Variants in TAF2 observed in about 807,000 individuals in gnomAD.
TAF2 encodes the protein transcription initiation factor TFIID subunit 2.
A neutral mutation model predicts 138.5 loss-of-function variants in TAF2; 61 were observed. The observed-to-expected ratio is 0.44, with a 90% confidence interval of 0.36 to 0.54. The LOEUF is 0.54. TAF2 is among the 20% of genes least tolerant of loss of function. The pLI, the probability that TAF2 is intolerant of heterozygous loss-of-function variation, is 0.00. For synonymous variants in TAF2, 475 were observed against 469.9 expected, an observed-to-expected ratio of 1.01 and a Z score of -0.14; for missense variants, 1,090 against 1,427.9, an observed-to-expected ratio of 0.76 and a Z score of 3.81.
chr8:119,789,127 A>G (rs768807085), intron 12 of TAF2, among the ~76,000 whole-genome samples: 2 of 152,222 alleles, frequency 1.3e-5, no homozygotes, highest in Admixed American at 1.3e-4. Flanking sequence ...TTGTGTTTTG[A>G]AAGAAGCAGA....
intron 21 of TAF2, among the ~76,000 whole-genome samples, chr8:119,757,020 A>G (rs1480647236): frequency 6.6e-6 from 1 of 152,242 alleles, no homozygotes; most frequent in African/African-American, 2.4e-5. Flanking sequence ...TATGGAGGTC[A>G]GCAAAACTTT....
At chr8:119,812,156 A>T (rs1327158370) in intron 3 of TAF2, among the ~76,000 whole-genome samples, 1 of 152,158 alleles carries the variant, frequency 6.6e-6, no homozygotes, top group Non-Finnish European at 1.5e-5. Context: ...TCACTGGTTT[A>T]AAGAAATAAC....
At chr8:119,823,822 G>C (rs1825935528) in intron 2 of TAF2, among the ~76,000 whole-genome samples, 1 of 152,164 alleles carries the variant, frequency 6.6e-6, no homozygotes, top group South Asian at 2.1e-4. Context: ...GAATGGCTTT[G>C]ACCAAAATGT....
intron 20 of TAF2, among the ~76,000 whole-genome samples, chr8:119,759,077 C>T (rs565465315): frequency 6.6e-6 from 1 of 152,142 alleles, no homozygotes; most frequent in Admixed American, 6.5e-5. Context: ...AGAAGACTGG[C>T]AACAATGACA....
intron 6 of TAF2, among the ~76,000 whole-genome samples, chr8:119,799,836 T>A (rs1472841500): frequency 1.3e-5 from 2 of 152,220 alleles, no homozygotes; most frequent in Non-Finnish European, 2.9e-5. Flanking sequence ...TTTTTACTGA[T>A]CGCCATTCTA....
chr8:119,820,756 T>C (rs1825761089), intron 2 of TAF2, among the ~76,000 whole-genome samples: 1 of 152,212 alleles, frequency 6.6e-6, no homozygotes, highest in African/African-American at 2.4e-5. Context: ...TTGTTCTCAA[T>C]TCCCAAGTAA....
intron 18 of TAF2, among the ~76,000 whole-genome samples, chr8:119,764,775 A>G (rs776991728): frequency 2.6e-5 from 4 of 152,210 alleles, no homozygotes; most frequent in African/African-American, 9.6e-5. Context: ...GACATAATGT[A>G]TAAAACATCT....
chr8:119,812,451 A>G (rs1307460641), intron 3 of TAF2, among the ~76,000 whole-genome samples: 1 of 152,010 alleles, frequency 6.6e-6, no homozygotes, highest in Non-Finnish European at 1.5e-5. Flanking sequence ...CATTGCACCC[A>G]ATATGTCATT....
At chr8:119,770,529 C>T (rs1254318052) in intron 18 of TAF2, among the ~76,000 whole-genome samples, 5 of 152,194 alleles carry the variant, frequency 3.3e-5, no homozygotes, top group Non-Finnish European at 1.5e-5. Context: ...TAAAGTATTT[C>T]CCAGACAAGC....
At chr8:119,754,598 G>A (rs563267215) in intron 22 of TAF2, among the ~76,000 whole-genome samples, 115 of 151,990 alleles carry the variant, frequency 7.6e-4, no homozygotes, top group African/African-American at 2.6e-3. Context: ...CAGCACAATC[G>A]CCTGAACTTG....
intron 25 of TAF2, among the ~76,000 whole-genome samples, chr8:119,741,801 G>C (rs1410131207): frequency 2.6e-5 from 4 of 152,166 alleles, no homozygotes; most frequent in African/African-American, 9.7e-5. Context: ...CTTTAAAAAT[G>C]ATTTTGTTTA....
intron 2 of TAF2, among the ~76,000 whole-genome samples, chr8:119,828,563 G>A (rs1354439794): frequency 6.6e-6 from 1 of 152,118 alleles, no homozygotes; most frequent in Non-Finnish European, 1.5e-5. Flanking sequence ...AAGAAACAAG[G>A]GTCTAGGTCA....
chr8:119,828,692 G>C (rs1563933758), intron 2 of TAF2, among the ~76,000 whole-genome samples: 1 of 152,158 alleles, frequency 6.6e-6, no homozygotes, highest in Non-Finnish European at 1.5e-5. Context: ...TTACAATTTA[G>C]TTTTATACTA....
At chr8:119,782,816 A>T (rs1277376979) in intron 16 of TAF2, among the ~76,000 whole-genome samples, 3 of 152,188 alleles carry the variant, frequency 2.0e-5, no homozygotes, top group Non-Finnish European at 4.4e-5. Flanking sequence ...CAACGTGAAT[A>T]ATTATTACAG....
At chr8:119,809,698 G>A (rs574364351) in intron 3 of TAF2, among the ~76,000 whole-genome samples, 3 of 152,258 alleles carry the variant, frequency 2.0e-5, no homozygotes, top group East Asian at 1.9e-4. Flanking sequence ...AGGGAGGCCC[G>A]AGGAAGGGGA....
intron 5 of TAF2, 129 bp downstream of exon 5, chr8:119,803,749 T>C (rs564759944): frequency 2.2e-5 from 22 of 984,148 alleles, no homozygotes; most frequent in Middle Eastern, 3.2e-4. Context: ...AGAAAGTAAT[T>C]TGAAAGAAGT....
At chr8:119,755,535 T>C (rs1365973628) in intron 22 of TAF2, among the ~76,000 whole-genome samples, 1 of 152,062 alleles carries the variant, frequency 6.6e-6, no homozygotes, top group Admixed American at 6.6e-5. Flanking sequence ...TGTGATGAGA[T>C]ATCATGATCT....
At position 119,801,966 on chromosome 8, in the gene TAF2, G is replaced by C. The variant is rs1328318843; in HGVS notation, c.620C>G (p.Thr207Arg). 1.2e-6 allele frequency: 2 copies of C among 1,614,108 alleles called. No individual in the cohort carries two copies. The highest frequency in any genetic ancestry group is 1.7e-6 in the Non-Finnish European group (2 of 1,180,018). The change falls in exon 6 of 26, where the codon ACA (threonine) becomes AGA (arginine). Residue 207 changes from threonine to arginine, a missense_variant. Coordinates refer to ENST00000378164, the MANE Select transcript of TAF2 (RefSeq NM_003184.4). Reference sequence around the variant, plus strand: ...AACAGCAACCATTGCAGCATCTACTGTAAATTCTAATTTCCATGTACACAA... The same window carrying C: ...AACAGCAACCATTGCAGCATCTACTCTAAATTCTAATTTCCATGTACACAA... The part of the protein sequence containing the change: ...SELCTWKLEF[T>R]VDAAMVAVSN...
intron 22 of TAF2, among the ~76,000 whole-genome samples, chr8:119,752,110 G>C (rs2131027516): frequency 6.6e-6 from 1 of 152,098 alleles, no homozygotes; most frequent in South Asian, 2.1e-4. Flanking sequence ...AGGAGATAAA[G>C]TAAATGGTAA....
Sources: gnomAD v4.1 joint callset for allele counts (sites outside exome capture counted in the v4.1 genomes callset) on GRCh38, gnomAD v4.1.1 for gene constraint, MANE v1.5 for transcripts, NCBI Gene and HGNC (gene_info 2026-07-23, HGNC 2026-07-21) for gene names.